Variants in FRYL observed in about 807,000 individuals in gnomAD.
FRYL encodes the protein FRY like transcription coactivator.
Under a neutral mutation model 351.2 loss-of-function variants are expected in FRYL, and 150 were observed. The ratio of observed to expected loss-of-function variants is 0.43; its 90% confidence interval spans 0.37 to 0.49. The LOEUF (loss-of-function observed/expected upper bound fraction) is 0.49, where lower values mean the gene tolerates loss of function less well. FRYL is among the 20% of genes least tolerant of loss of function. The probability of loss-of-function intolerance (pLI) is 0.00; values close to 1 mark genes in which losing one functional copy is unlikely to be tolerated. For missense variants in FRYL, 3,036 were observed against 3,619.3 expected (o/e 0.84, Z 4.13); for synonymous variants, 1,153 against 1,257.1 (o/e 0.92, Z 1.75).
chr4:48,681,073 A>G, intron 3 of FRYL: 4 of 1,276,568 alleles, frequency 3.1e-6, no homozygotes, highest in Non-Finnish European at 4.1e-6. Context: ...ACTAGTATCC[A>G]AAACCACATC....
In FRYL at chr4:48,639,800, T is replaced by C. The variant is rs147012184; in HGVS notation, c.-80-5310A>G. Among the ~76,000 whole-genome samples, 43 of 152,168 alleles carry C rather than the reference T, an allele frequency of 2.8e-4. No individual in the cohort carries two copies. In the East Asian group the frequency reaches 8.1e-3, roughly 29 times the overall value. On this transcript the variant is annotated intron_variant, in intron 3 of 63. Transcript: ENST00000358350. ...GGTATACAAAATACATAAAGAACTC[T>C]TAAAACTCAACCACCAGAAAACAAA...
chr4:48,622,988 T>C, intron 5 of FRYL, 138 bp downstream of exon 5: 2 of 603,846 alleles, frequency 3.3e-6, no homozygotes, highest in Non-Finnish European at 2.9e-6. Flanking sequence ...TTAAAAAAAC[T>C]ATCAAATCTA....
Position 48,671,858 on chromosome 4 carries a change from CAAAAAAAAAAAAAACAAAA to C in FRYL, c.-81+12796_-81+12814del, listed in dbSNP as rs1163341525. On this transcript the variant is annotated intron_variant, in intron 3 of 63. Coordinates refer to ENST00000358350, the MANE Select transcript of FRYL (RefSeq NM_015030.2). ...AGAGAGAGAGACTCCGTCTCAAAAA[CAAAAAAAAAAAAAACAAAA>C]AAAAAAAAAAAAAAGAAGGAAAGAC... Among the ~76,000 whole-genome samples the C allele has an allele frequency of 1.2e-3, 28 of 22,402 alleles. 1 individual carries two copies. Among genetic ancestry groups the C allele is most frequent in the Admixed American group, 3.7e-3 (5 of 1,340 alleles). The allele number at this position is 22,402 out of a possible 152,430, so 14.7% of individuals were successfully genotyped here. A position where few individuals can be genotyped will look rare whatever the true frequency, so the allele number is the denominator to read the frequency against.
intron 23 of FRYL, among the ~76,000 whole-genome samples, chr4:48,576,585 G>A (rs1578193221): frequency 1.3e-5 from 2 of 152,068 alleles, no homozygotes; most frequent in Non-Finnish European, 2.9e-5. Context: ...GGATTACAGG[G>A]GTGAGCCACC....
At chr4:48,765,490 A>G (rs370041706) in intron 1 of FRYL, among the ~76,000 whole-genome samples, 4 of 152,218 alleles carry the variant, frequency 2.6e-5, no homozygotes, top group Non-Finnish European at 5.9e-5. Flanking sequence ...ACATACACAT[A>G]TATCAATTCA....
chr4:48,551,521 T>C lies in FRYL; in HGVS notation c.4493A>G (p.Lys1498Arg). 6.2e-7 allele frequency: 1 copy of C among 1,610,828 alleles called. No individual in the cohort carries two copies. ...CTCTTCAATATTCTCTTTAATGGGC[T>C]TATTATCAGGATTGCCATCTGTGGG... ...VAPTDGNPDN[K>R]PIKENIEESY... is the part of the protein sequence containing the mutation. The change falls in exon 37 of 64, where the codon AAG (lysine) becomes AGG (arginine). Residue 1498 changes from lysine (K) to arginine (R), a missense_variant. This residue lies in a region of FRYL where 1,987 missense variants were observed against 2,311.7 expected (regional missense o/e 0.86). Transcript: ENST00000358350.
In FRYL at chr4:48,609,806, T is replaced by C. The variant is rs750429995; in HGVS notation, c.429A>G (p.Val143=). The change falls in exon 8 of 64, where the codon GTA becomes GTG. Residue 143 remains valine (V), a synonymous_variant. Transcript: ENST00000358350. The part of the protein sequence containing the change: ...EVLKQIPVHP[V]PDPLVHEVLN... ...GAACTTCATGAACTAAGGGATCGGG[T>C]ACAGGATGAACAGGAATCTAGAATT... 1.4e-5 allele frequency: 23 copies of C among 1,591,554 alleles called. No homozygotes were observed. The Admixed American group carries it at 1.9e-4, about 13-fold the overall frequency.
At chr4:48,740,636 T>C (rs1771947847) in intron 1 of FRYL, among the ~76,000 whole-genome samples, 1 of 151,994 alleles carries the variant, frequency 6.6e-6, no homozygotes, top group Admixed American at 6.6e-5. Context: ...TCACCAAAGA[T>C]ATACAGATGG....
At chr4:48,527,044 G>A (rs1438828471) in intron 53 of FRYL, among the ~76,000 whole-genome samples, 1 of 152,116 alleles carries the variant, frequency 6.6e-6, no homozygotes, top group Non-Finnish European at 1.5e-5. Context: ...ATTGATGAAT[G>A]TGTATGAGCT....
At chr4:48,758,193 A>C (rs866688725) in intron 1 of FRYL, among the ~76,000 whole-genome samples, 1 of 152,338 alleles carries the variant, frequency 6.6e-6, no homozygotes, top group Middle Eastern at 3.4e-3. Context: ...TTCATGTCTA[A>C]AACACCAAAA....
chr4:48,736,850 G>GAAAAAAAAAAAAAAAAA (rs368006420), intron 1 of FRYL, among the ~76,000 whole-genome samples: 29 of 40,498 alleles, frequency 7.2e-4, no homozygotes, highest in South Asian at 1.2e-3. Context: ...ACTCTGTCTC[G>GAAAAAAAAAAAAAAAAA]AAAAAAAAAA....
chr4:48,639,595 GA>G (rs537210830), intron 3 of FRYL, among the ~76,000 whole-genome samples: 1 of 151,952 alleles, frequency 6.6e-6, no homozygotes, highest in Admixed American at 6.6e-5. Context: ...GAAGATAGGA[GA>G]AAATCTAAGT....
At chr4:48,747,171 A>C (rs111231604) in intron 1 of FRYL, among the ~76,000 whole-genome samples, 17 of 98,060 alleles carry the variant, frequency 1.7e-4, no homozygotes, top group East Asian at 7.4e-4. Context: ...ATCCCCCCCC[A>C]AAAAAAGATT....
At chr4:48,685,943 T>C (rs1553976743) in intron 2 of FRYL, among the ~76,000 whole-genome samples, 5 of 152,056 alleles carry the variant, frequency 3.3e-5, no homozygotes, top group Non-Finnish European at 7.4e-5. Context: ...TTAGGAGAGA[T>C]GGGGTTTCAC....
chr4:48,522,124 A>T (rs76825148), intron 54 of FRYL, among the ~76,000 whole-genome samples: 7,163 of 152,214 alleles, frequency 0.047, 261 homozygotes, highest in Non-Finnish European at 0.07. Flanking sequence ...CAAAAAATTT[A>T]AAAAAATTAG....
chr4:48,560,724 A>C (rs1404797280), intron 33 of FRYL, among the ~76,000 whole-genome samples: 1 of 152,216 alleles, frequency 6.6e-6, no homozygotes, highest in Non-Finnish European at 1.5e-5. Context: ...GGGCAAACCA[A>C]ACAGGTCAAC....
At chr4:48,508,244 T>C (rs1721710334) in intron 59 of FRYL, among the ~76,000 whole-genome samples, 1 of 152,230 alleles carries the variant, frequency 6.6e-6, no homozygotes, top group African/African-American at 2.4e-5. Flanking sequence ...TATTAGTTGT[T>C]TGAATTTCCA....
chr4:48,652,299 A>G (rs972398900), intron 3 of FRYL, among the ~76,000 whole-genome samples: 8 of 152,228 alleles, frequency 5.3e-5, no homozygotes, highest in African/African-American at 1.9e-4. Flanking sequence ...CTCACTATAA[A>G]ACTGTCTTAC....
intron 32 of FRYL, 61 bp downstream of exon 32, chr4:48,562,828 A>G: frequency 1.0e-6 from 1 of 952,386 alleles, no homozygotes; most frequent in South Asian, 1.4e-5. Flanking sequence ...TAGCAAGACT[A>G]AATTATTGGG....
Sources: gnomAD v4.1 joint callset for allele counts (sites outside exome capture counted in the v4.1 genomes callset) on GRCh38, gnomAD v4.1.1 for gene constraint, gnomAD v4.1.1 regional missense constraint, MANE v1.5 for transcripts, NCBI Gene and HGNC (gene_info 2026-07-23, HGNC 2026-07-21) for gene names.